Variants in PLXNA1 observed in about 807,000 individuals in gnomAD.
PLXNA1 encodes plexin-A1.
Under a neutral mutation model 191.7 loss-of-function variants are expected in PLXNA1, and 77 were observed. The ratio of observed to expected loss-of-function variants is 0.40; its 90% CI spans 0.33 to 0.49. The LOEUF is 0.49. PLXNA1 is among the 20% of genes least tolerant of loss of function. PLXNA1 has a pLI of 0.63. For missense variants in PLXNA1, 2,110 were observed against 2,660.2 expected, an observed-to-expected ratio of 0.79 and a Z score of 4.55; for synonymous variants, 1,137 against 1,156.4, an observed-to-expected ratio of 0.98 and a Z score of 0.34.
At chr3:126,992,642 G>A (rs1259804402) in intron 3 of PLXNA1, among the ~76,000 whole-genome samples, 1 of 152,058 alleles carries the variant, frequency 6.6e-6, no homozygotes, top group Non-Finnish European at 1.5e-5. Flanking sequence ...GGCGGGGGGT[G>A]CTGGTGGTCT....
chr3:126,988,613 G>C lies in PLXNA1; in HGVS notation c.20G>C (p.Ser7Thr). Residue 7 changes from serine (S) to threonine (T), a missense_variant, in exon 2 of 32, where the codon AGC (serine) becomes ACC (threonine). By Grantham distance (58) the Ser-to-Thr change is moderately conservative. This residue lies in a region of PLXNA1 where 903 missense variants were observed against 1,015.7 expected (regional missense o/e 0.89). Coordinates refer to ENST00000393409, the MANE Select transcript of PLXNA1 (RefSeq NM_032242.4). The stretch of plus-strand genomic sequence containing the variant: ...CCTGCCATGCCGCTGCCACCGCGGA[G>C]CCTGCAGGTGCTCCTGCTGCTGCTG... The part of the protein sequence containing the change: MPLPPR[S>T]LQVLLLLLLL... The C allele has an allele frequency of 1.3e-6, 2 of 1,553,178 alleles. No individual in the cohort carries two copies.
intron 3 of PLXNA1, among the ~76,000 whole-genome samples, chr3:126,994,513 T>A (rs927728501): frequency 1.3e-5 from 2 of 152,014 alleles, no homozygotes; most frequent in Admixed American, 6.5e-5. Flanking sequence ...GAGGAGGAGA[T>A]CTACCCTCAC....
chr3:127,028,721 G>C, intron 25 of PLXNA1: 2 of 547,978 alleles, frequency 3.6e-6, no homozygotes, highest in Admixed American at 6.8e-5. Context: ...CCCCACAGAA[G>C]CCTCGGTGCC....
chr3:127,017,377 G>C, intron 17 of PLXNA1, 48 bp from the exon 18 acceptor site: 2 of 1,588,100 alleles, frequency 1.3e-6, no homozygotes, highest in African/African-American at 1.3e-5. Context: ...GGGAGCTGCC[G>C]GGCCACTCGC....
intron 3 of PLXNA1, among the ~76,000 whole-genome samples, chr3:126,993,863 C>T (rs1435662671): frequency 6.6e-6 from 1 of 152,268 alleles, no homozygotes; most frequent in Non-Finnish European, 1.5e-5. Context: ...TCCACCTGCT[C>T]TCAAACTGTC....
Position 127,016,944 on chromosome 3 carries a change from C to T in PLXNA1, c.3183C>T (p.Ser1061=), listed in dbSNP as rs752258540. The T allele has an allele frequency of 2.9e-5, 46 of 1,611,222 alleles. No individual in the cohort carries two copies. Among genetic ancestry groups the T allele is most frequent in the South Asian group, 1.8e-4 (16 of 90,926 alleles). Residue 1061 remains serine, a splice_region_variant and synonymous_variant, in exon 17 of 32, where the codon AGC becomes AGT. Coordinates refer to ENST00000393409, the MANE Select transcript of PLXNA1 (RefSeq NM_032242.4). ...CCCCCCCACCCCTGTCCTGTTCCAG[C>T]GGTGGGACCCTCCTGACGGTCACAG... ...LRIDPEWSIN[S]GGTLLTVTGT... is the part of the protein sequence containing the mutation.
chr3:127,029,154 C>T (rs959424164), intron 26 of PLXNA1, 58 bp downstream of exon 26: 24 of 1,330,990 alleles, frequency 1.8e-5, no homozygotes, highest in African/African-American at 4.3e-5. Flanking sequence ...GCTTCCACAG[C>T]GCAGCCACCA....
Position 127,004,592 on chromosome 3 carries a change from G to A in PLXNA1, c.1519-19G>A. The A allele has an allele frequency of 6.5e-7, 1 of 1,545,776 alleles. No homozygotes were observed. The highest frequency in any genetic ancestry group is 8.8e-7 in the Non-Finnish European group (1 of 1,140,486). ...CCCTGGGGTGGTACTGGAGGGGCCT[G>A]ACACCTCCCCCACACCAGGTGACGC... is the stretch of plus-strand genomic sequence containing the variant. On this transcript the variant is annotated intron_variant, in intron 4 of 31. Coordinates refer to ENST00000393409, the MANE Select transcript of PLXNA1 (RefSeq NM_032242.4).
rs754465689 is a variant in PLXNA1, at chr3:127,004,712, G to A, written c.1619+1G>A. The A allele has an allele frequency of 6.3e-7, 1 of 1,586,422 alleles. No homozygotes were observed. Among genetic ancestry groups the A allele is most frequent in the Non-Finnish European group, 8.6e-7 (1 of 1,166,450 alleles). On this transcript the variant is annotated splice_donor_variant, in intron 5 of 31. Transcript: ENST00000393409. LOFTEE classifies it high-confidence loss of function. ...GTGGCTGGTGTGTCCTGCACAGCATGTGAGTCTGGGCAGGTGGGCAGGGGC... is the reference window on the plus strand; with the variant it reads ...GTGGCTGGTGTGTCCTGCACAGCATATGAGTCTGGGCAGGTGGGCAGGGGC...
At chr3:127,027,221 C>G (rs914876829) in intron 23 of PLXNA1, 1 of 211,956 alleles carries the variant, frequency 4.7e-6, no homozygotes, top group East Asian at 1.2e-4. Flanking sequence ...TGCAAAGGCC[C>G]TGAGGTGGGA....
chr3:126,989,764 A>G lies in PLXNA1; in HGVS notation c.1171A>G (p.Lys391Glu). The G allele has an allele frequency of 6.2e-7, 1 of 1,610,770 alleles. No homozygotes were observed. The highest frequency in any genetic ancestry group is 8.5e-7 in the Non-Finnish European group (1 of 1,178,644). The change falls in exon 2 of 32, where the codon AAG (lysine) becomes GAG (glutamate). Residue 391 changes from lysine (K) to glutamate (E), a missense_variant. Coordinates refer to ENST00000393409, the MANE Select transcript of PLXNA1 (RefSeq NM_032242.4). ...GCTCTCCCTGCCGTGGCTGCTCAAC[A>G]AGGAGCTGGGCTGCATCAACTCGGT... ...GKLSLPWLLN[K>E]ELGCINSPLQ...
chr3:127,030,590 C>G lies in PLXNA1; in HGVS notation c.5231+178C>G, dbSNP rs1163391775. 2.0e-5 allele frequency among the ~76,000 whole-genome samples: 3 copies of G among 152,190 alleles called. No homozygotes were observed. The South Asian group carries it at 6.2e-4, about 31-fold the overall frequency. ...AACTGGCCTTCCCTATCTGCCTGTG[C>G]CCCTTGACCCACGGCTCGCCCTCTG... On this transcript the variant is annotated intron_variant, in intron 29 of 31. Transcript: ENST00000393409.
At chr3:127,007,694 G>T in intron 8 of PLXNA1, 105 bp from the exon 9 acceptor site, 1 of 693,172 alleles carries the variant, frequency 1.4e-6, no homozygotes, top group South Asian at 1.9e-5. Context: ...AGACCCTGAG[G>T]TGGCACTATG....
chr3:127,006,525 C>T (rs970908292), intron 8 of PLXNA1, among the ~76,000 whole-genome samples: 1 of 152,154 alleles, frequency 6.6e-6, no homozygotes, highest in Non-Finnish European at 1.5e-5. Context: ...TGCAAGGGCA[C>T]ATTGTGCAAT....
rs2078972230 is a variant in PLXNA1, at chr3:126,988,542, G to T, written c.-52G>T. The T allele has an allele frequency of 7.0e-7, 1 of 1,421,486 alleles. No individual in the cohort carries two copies. Among genetic ancestry groups the T allele is most frequent in the South Asian group, 1.5e-5 (1 of 68,006 alleles). 88.1% of individuals were successfully genotyped at this position (1,421,486 alleles called of 1,614,324 possible). A position where few individuals can be genotyped will look rare whatever the true frequency, so the allele number is the denominator to read the frequency against. On this transcript the variant is annotated 5_prime_UTR_variant, in exon 2 of 32. It removes an upstream start codon present in the reference 5' UTR. Coordinates refer to ENST00000393409, the MANE Select transcript of PLXNA1 (RefSeq NM_032242.4). ...CCAGGGCTGAAGCTCCTGGCACCAT[G>T]ATGCTCACCCCAGCAGGACCAGAGC... is the stretch of plus-strand genomic sequence containing the variant.
rs367868997 is a variant in PLXNA1 at position 127,007,792 on chromosome 3, C to T, written c.1998-7C>T. ...CCCAGGCTTCAGCACCCACCCTCTC[C>T]CTGCAGCTGCCTGTCCTGTGTCAAC... On this transcript the variant is annotated splice_region_variant and splice_polypyrimidine_tract_variant and intron_variant, in intron 8 of 31. Transcript: ENST00000393409. The T allele has an allele frequency of 2.2e-5, 36 of 1,602,262 alleles. No homozygotes were observed. The highest frequency in any genetic ancestry group is 2.8e-5 in the Non-Finnish European group (33 of 1,171,142).
intron 26 of PLXNA1, 62 bp downstream of exon 26, chr3:127,029,158 G>C: frequency 7.6e-7 from 1 of 1,310,478 alleles, no homozygotes; most frequent in Non-Finnish European, 1.1e-6. Flanking sequence ...CCACAGCGCA[G>C]CCACCAATGT....
chr3:127,019,568 A>C (rs1299898429), intron 20 of PLXNA1, among the ~76,000 whole-genome samples: 1 of 152,334 alleles, frequency 6.6e-6, no homozygotes, highest in Middle Eastern at 3.4e-3. Flanking sequence ...AGCGATGCCC[A>C]GGAGACGAAG....
Position 127,032,512 on chromosome 3 carries a change from C to T in PLXNA1, c.5357C>T (p.Thr1786Ile). 2 of 1,614,102 alleles carry T rather than the reference C, an allele frequency of 1.2e-6. No individual in the cohort carries two copies. The highest frequency in any genetic ancestry group is 1.1e-5 in the South Asian group (1 of 91,084). The change falls in exon 30 of 32, where the codon ACC becomes ATC. Residue 1786 changes from threonine (T) to isoleucine (I), a missense_variant. By Grantham distance (89) the Thr-to-Ile change is moderately conservative (BLOSUM62 -1). Around this residue, in one of 4 missense-constraint regions of PLXNA1, gnomAD observed 559 missense variants for 911.5 expected, o/e 0.61. Coordinates refer to ENST00000393409, the MANE Select transcript of PLXNA1 (RefSeq NM_032242.4). ...VAQTFMDSCS[T>I]SEHKLGKDSP... ...CAGACCTTCATGGACTCCTGCTCCA[C>T]CTCTGAGCACAAGCTGGGCAAGGAC...
Sources: gnomAD v4.1 joint callset for allele counts (sites outside exome capture counted in the v4.1 genomes callset) on GRCh38, gnomAD v4.1.1 for gene constraint, gnomAD v4.1.1 regional missense constraint, MANE v1.5 for transcripts, NCBI Gene and HGNC (gene_info 2026-07-23, HGNC 2026-07-21) for gene names.